The following MBD5 variants were observed in gnomAD, a reference collection of about 807,000 sequenced individuals.
MBD5 encodes the protein methyl-CpG binding domain protein 5.
Under a neutral mutation model 117.3 loss-of-function variants are expected in MBD5, and 13 were observed. The observed-to-expected ratio is 0.11, with a 90% confidence interval of 0.07 to 0.18. MBD5 has a LOEUF of 0.18. MBD5 is among the 10% of genes least tolerant of loss of function. The probability of loss-of-function intolerance (pLI) is 1.00; values close to 1 mark genes in which losing one functional copy is unlikely to be tolerated. For missense variants in MBD5, 1,879 were observed against 2,093.8 expected (o/e 0.90, Z 2.00); for synonymous variants, 727 against 766.4 (o/e 0.95, Z 0.85).
intron 4 of MBD5, among the ~76,000 whole-genome samples, chr2:148,360,812 A>C (rs936249700): frequency 6.6e-6 from 1 of 152,186 alleles, no homozygotes; most frequent in Non-Finnish European, 1.5e-5. Flanking sequence ...GCTGGCATTA[A>C]AATTGTTGAA....
intron 8 of MBD5, among the ~76,000 whole-genome samples, chr2:148,479,723 T>TG (rs1681086922): frequency 1.3e-5 from 2 of 151,004 alleles, no homozygotes; most frequent in Non-Finnish European, 3.0e-5. Context: ...CTTTGTTGTT[T>TG]TTTTTTTTTT....
chr2:148,086,527 C>T (rs866865204), intron 1 of MBD5, among the ~76,000 whole-genome samples: 6 of 152,066 alleles, frequency 3.9e-5, no homozygotes, highest in Non-Finnish European at 7.4e-5. Context: ...TTAAAGTATA[C>T]CTGTCTCCTT....
At chr2:148,068,310 C>G (rs1695260558) in intron 1 of MBD5, among the ~76,000 whole-genome samples, 1 of 152,186 alleles carries the variant, frequency 6.6e-6, no homozygotes, top group Admixed American at 6.5e-5. Context: ...TGCATTAGTT[C>G]TTGTCCTGTA....
intron 3 of MBD5, among the ~76,000 whole-genome samples, chr2:148,283,069 T>A (rs1380796429): frequency 6.6e-6 from 1 of 152,134 alleles, no homozygotes; most frequent in East Asian, 1.9e-4. Context: ...CACCTCACCT[T>A]ACTGGATGTC....
At chr2:148,074,642 A>C (rs2105109103) in intron 1 of MBD5, among the ~76,000 whole-genome samples, 1 of 151,856 alleles carries the variant, frequency 6.6e-6, no homozygotes, top group East Asian at 2.0e-4. Context: ...AGCTGGGATT[A>C]CAAGGAGCCT....
At position 148,200,523 on chromosome 2, in the gene MBD5, C is replaced by T. The variant is rs568074609; in HGVS notation, c.-831+21730C>T. Among the ~76,000 whole-genome samples, 17 of 152,070 alleles carry T rather than the reference C, an allele frequency of 1.1e-4. No homozygotes were observed. In the East Asian group the frequency reaches 3.3e-3, roughly 29 times the overall value. ...TGGCTAACACAGTGAAACTCCATCTCTGCTAAAACTACAAAAAAAATTAGC... is the reference window on the plus strand; with the variant it reads ...TGGCTAACACAGTGAAACTCCATCTTTGCTAAAACTACAAAAAAAATTAGC... On this transcript the variant is annotated intron_variant, in intron 2 of 13. Transcript: ENST00000642680.
At chr2:148,122,228 T>A (rs1439597413) in intron 1 of MBD5, among the ~76,000 whole-genome samples, 1 of 152,216 alleles carries the variant, frequency 6.6e-6, no homozygotes, top group Non-Finnish European at 1.5e-5. Flanking sequence ...AAACTGTTGT[T>A]AAAGCAGTTG....
At chr2:148,327,711 C>T (rs1056116317) in intron 3 of MBD5, among the ~76,000 whole-genome samples, 2 of 151,884 alleles carry the variant, frequency 1.3e-5, no homozygotes, top group Non-Finnish European at 2.9e-5. Context: ...TTAAGCACTT[C>T]TCCGTATTGG....
chr2:148,099,635 T>A (rs1284319079), intron 1 of MBD5, among the ~76,000 whole-genome samples: 1 of 152,162 alleles, frequency 6.6e-6, no homozygotes, highest in Non-Finnish European at 1.5e-5. Context: ...CTGTCTGATA[T>A]GTAAAATTTT....
At chr2:148,243,331 T>C (rs1300757043) in intron 3 of MBD5, among the ~76,000 whole-genome samples, 1 of 135,646 alleles carries the variant, frequency 7.4e-6, no homozygotes, top group African/African-American at 2.5e-5. Flanking sequence ...ATAGAAAAAT[T>C]ATTGTTATAC....
intron 1 of MBD5, among the ~76,000 whole-genome samples, chr2:148,133,497 G>T (rs1293197386): frequency 6.6e-6 from 1 of 152,118 alleles, no homozygotes; most frequent in Non-Finnish European, 1.5e-5. Context: ...TTGTCATTTT[G>T]GTTGTCAAAT....
rs914133181 is a variant in MBD5 at position 148,343,926 on chromosome 2, A to C, written c.-557+1590A>C. Among the ~76,000 whole-genome samples, 6 of 152,092 alleles carry C rather than the reference A, an allele frequency of 3.9e-5. No individual in the cohort carries two copies. The East Asian group carries it at 1.2e-3, about 29-fold the overall frequency. On this transcript the variant is annotated intron_variant, in intron 4 of 13. Coordinates refer to ENST00000642680, the MANE Select transcript of MBD5 (RefSeq NM_001378120.1). ...GGTGTTTACTGGGTTTTCTTCTACC[A>C]TTCTTATAGTTTGAGTTCTTACATT...
intron 3 of MBD5, among the ~76,000 whole-genome samples, chr2:148,249,348 C>T (rs1000268431): frequency 2.0e-5 from 3 of 152,156 alleles, no homozygotes; most frequent in Admixed American, 2.0e-4. Flanking sequence ...TGTTTGACCA[C>T]CTGCCTACCC....
At chr2:148,446,598 T>TGTGTG (rs2105444822) in intron 4 of MBD5, among the ~76,000 whole-genome samples, 1 of 13,554 alleles carries the variant, frequency 7.4e-5, no homozygotes, top group South Asian at 5.5e-3. Flanking sequence ...ACCAGATTAT[T>TGTGTG]TATCTGTGTG....
chr2:148,292,119 A>G (rs553465738), intron 3 of MBD5, among the ~76,000 whole-genome samples: 1 of 152,340 alleles, frequency 6.6e-6, no homozygotes, highest in South Asian at 2.1e-4. Flanking sequence ...TTACTACAAG[A>G]AAACATTGGA....
At chr2:148,353,092 T>C (rs1703284969) in intron 4 of MBD5, among the ~76,000 whole-genome samples, 1 of 152,116 alleles carries the variant, frequency 6.6e-6, no homozygotes, top group Admixed American at 6.6e-5. Flanking sequence ...AGAAGAGCTA[T>C]AGTTTCCAAT....
chr2:148,436,384 T>G (rs1340821095), intron 4 of MBD5, among the ~76,000 whole-genome samples: 5 of 152,164 alleles, frequency 3.3e-5, no homozygotes, highest in African/African-American at 1.2e-4. Flanking sequence ...TTGTTTGGTT[T>G]TGTTTTTTGA....
At chr2:148,149,060 G>C (rs1176400787) in intron 1 of MBD5, among the ~76,000 whole-genome samples, 3 of 151,656 alleles carry the variant, frequency 2.0e-5, no homozygotes, top group Non-Finnish European at 4.4e-5. Flanking sequence ...TCTAGCATTA[G>C]GTATATCTCC....
intron 4 of MBD5, among the ~76,000 whole-genome samples, chr2:148,385,972 AGG>A (rs1432174973): frequency 1.4e-5 from 1 of 71,526 alleles, no homozygotes; most frequent in Non-Finnish European, 2.6e-5. Flanking sequence ...GGGTGGGGGG[AGG>A]GGGGAGGGAT....
Sources: allele counts gnomAD v4.1 joint callset (sites outside exome capture counted in the v4.1 genomes callset), GRCh38; gene constraint gnomAD v4.1.1; transcripts MANE v1.5; gene names NCBI Gene and HGNC (gene_info 2026-07-23, HGNC 2026-07-21).